RAPGEF4: variants seen among roughly 807,000 people sequenced by gnomAD.
RAPGEF4 encodes Rap guanine nucleotide exchange factor 4, also known as RAP guanine-nucleotide-exchange factor (GEF) 4.
In RAPGEF4, 66 loss-of-function variants were observed where a neutral mutation model predicts 147.9. That is an observed-to-expected ratio of 0.45 (90% CI 0.37 to 0.55). RAPGEF4 has a LOEUF of 0.55. Among genes scored for constraint, RAPGEF4 ranks in the 20% least tolerant of loss-of-function variants. The pLI, the probability that RAPGEF4 is intolerant of heterozygous loss-of-function variation, is 0.00. For synonymous variants in RAPGEF4, 419 were observed against 442.7 expected (o/e 0.95, Z 0.67); for missense variants, 1,071 against 1,257.3 (o/e 0.85, Z 2.24).
intron 1 of RAPGEF4, among the ~76,000 whole-genome samples, chr2:172,743,065 G>A (rs770165470): frequency 2.0e-5 from 3 of 152,060 alleles, no homozygotes; most frequent in Non-Finnish European, 4.4e-5. Flanking sequence ...TTATTGTCCT[G>A]CACCACCTCC....
In RAPGEF4 at chr2:172,926,298, G is replaced by A. The variant is rs1685354130; in HGVS notation, c.537+3998G>A. 2.0e-5 allele frequency among the ~76,000 whole-genome samples: 3 copies of A among 152,188 alleles called. No individual in the cohort carries two copies. The South Asian group carries it at 6.2e-4, about 32-fold the overall frequency. On this transcript the variant is annotated intron_variant, in intron 6 of 30. Transcript: ENST00000397081. ...AAAGCTTGAATGTTGAATGCTGAAT[G>A]TTACAGTTGCCCTTTGGAATAATGA...
chr2:172,873,313 G>A (rs1367609735), intron 4 of RAPGEF4, among the ~76,000 whole-genome samples: 1 of 152,120 alleles, frequency 6.6e-6, no homozygotes, highest in Non-Finnish European at 1.5e-5. Flanking sequence ...GATGCTGCTA[G>A]GTATAGTATC....
chr2:172,998,714 T>C (rs898676176), intron 16 of RAPGEF4, among the ~76,000 whole-genome samples: 1 of 152,190 alleles, frequency 6.6e-6, no homozygotes, highest in Non-Finnish European at 1.5e-5. Flanking sequence ...CCAAGAGCCA[T>C]ATGTAACCTC....
At chr2:172,918,849 CT>C (rs1389171953) in intron 5 of RAPGEF4, among the ~76,000 whole-genome samples, 2 of 152,150 alleles carry the variant, frequency 1.3e-5, no homozygotes, top group Non-Finnish European at 2.9e-5. Flanking sequence ...GCCAGCCACC[CT>C]TCAGATCCTC....
intron 6 of RAPGEF4, among the ~76,000 whole-genome samples, chr2:172,955,674 C>T (rs1028146162): frequency 1.3e-5 from 2 of 152,174 alleles, no homozygotes; most frequent in African/African-American, 4.8e-5. Context: ...TACGTGTTTT[C>T]TGGCTATAGG....
chr2:172,990,961 T>C, intron 15 of RAPGEF4, 36 bp downstream of exon 15: 1 of 1,444,866 alleles, frequency 6.9e-7, no homozygotes, highest in East Asian at 2.3e-5. Context: ...TGCCAGACTA[T>C]GATTAACCTT....
intron 23 of RAPGEF4, among the ~76,000 whole-genome samples, chr2:173,025,829 C>CAT (rs1696610129): frequency 2.0e-5 from 3 of 152,184 alleles, no homozygotes; most frequent in Admixed American, 1.3e-4. Context: ...CCTATATATG[C>CAT]ATATCATTCA....
At chr2:173,009,911 A>G (rs1694846613) in intron 17 of RAPGEF4, among the ~76,000 whole-genome samples, 2 of 152,244 alleles carry the variant, frequency 1.3e-5, no homozygotes, top group South Asian at 4.1e-4. Flanking sequence ...CCTATTTCCC[A>G]ACAAACTTTG....
intron 4 of RAPGEF4, among the ~76,000 whole-genome samples, chr2:172,882,378 A>C (rs1575125215): frequency 6.6e-6 from 1 of 152,122 alleles, no homozygotes; most frequent in Non-Finnish European, 1.5e-5. Flanking sequence ...TCTTCATTAC[A>C]CACTTAATGG....
At chr2:172,795,796 T>C (rs1686304160) in intron 2 of RAPGEF4, among the ~76,000 whole-genome samples, 1 of 152,224 alleles carries the variant, frequency 6.6e-6, no homozygotes, top group Non-Finnish European at 1.5e-5. Flanking sequence ...GGTTGGTTAG[T>C]GAAGTGACTC....
chr2:172,856,213 T>A (rs1019912581), intron 4 of RAPGEF4, among the ~76,000 whole-genome samples: 1 of 152,142 alleles, frequency 6.6e-6, no homozygotes, highest in African/African-American at 2.4e-5. Flanking sequence ...CACTGACACA[T>A]TTTATTATTA....
At chr2:172,925,400 A>G (rs544813630) in intron 6 of RAPGEF4, among the ~76,000 whole-genome samples, 1 of 152,154 alleles carries the variant, frequency 6.6e-6, no homozygotes, top group Non-Finnish European at 1.5e-5. Context: ...TCCTTTTCAT[A>G]TATTGCACCT....
chr2:172,748,378 G>A (rs1034542952), intron 1 of RAPGEF4, among the ~76,000 whole-genome samples: 10 of 152,146 alleles, frequency 6.6e-5, no homozygotes, highest in Admixed American at 2.0e-4. Flanking sequence ...CATGTGTCTG[G>A]GGAGGCCTTA....
intron 6 of RAPGEF4, among the ~76,000 whole-genome samples, chr2:172,933,873 T>C (rs1339937620): frequency 2.6e-5 from 4 of 152,188 alleles, no homozygotes; most frequent in Admixed American, 1.3e-4. Flanking sequence ...ATTTAATGAA[T>C]AGGTAGAGGG....
intron 25 of RAPGEF4, among the ~76,000 whole-genome samples, chr2:173,029,237 G>A (rs545922057): frequency 2.6e-5 from 4 of 152,278 alleles, no homozygotes; most frequent in African/African-American, 9.6e-5. Flanking sequence ...CCTTTGCAAT[G>A]GGTAGCAAAT....
chr2:173,014,537 A>G lies in RAPGEF4; in HGVS notation c.1732A>G (p.Ile578Val). 6.2e-7 allele frequency: 1 copy of G among 1,614,190 alleles called. No homozygotes were observed. The highest frequency in any genetic ancestry group is 8.5e-7 in the Non-Finnish European group (1 of 1,180,014). The change falls in exon 18 of 31, where the codon ATC becomes GTC. Residue 578 changes from isoleucine to valine, a missense_variant. Physicochemically the swap from Ile to Val is conservative, Grantham distance 29. Coordinates refer to ENST00000397081, the MANE Select transcript of RAPGEF4 (RefSeq NM_007023.4). ...TGCCCTCAACAATAAGAGGCGAGTCATCCGCCTGGTTCTACAGTGGGCTGC... is the reference window on the plus strand; with the variant it reads ...TGCCCTCAACAATAAGAGGCGAGTCGTCCGCCTGGTTCTACAGTGGGCTGC... ...DYALNNKRRV[I>V]RLVLQWAAMY...
At chr2:172,918,439 T>C (rs995215627) in intron 5 of RAPGEF4, among the ~76,000 whole-genome samples, 1 of 148,488 alleles carries the variant, frequency 6.7e-6, no homozygotes, top group Non-Finnish European at 1.5e-5. Flanking sequence ...GACAGATAGG[T>C]TAATTTGCTT....
At chr2:172,869,931 A>G (rs1695038031) in intron 4 of RAPGEF4, among the ~76,000 whole-genome samples, 1 of 152,156 alleles carries the variant, frequency 6.6e-6, no homozygotes, top group African/African-American at 2.4e-5. Flanking sequence ...TGCACTGGAA[A>G]TCATAGGTGC....
At chr2:172,969,732 TGCTAGGAACA>T (rs1326757178) in intron 10 of RAPGEF4, among the ~76,000 whole-genome samples, 1 of 152,250 alleles carries the variant, frequency 6.6e-6, no homozygotes, top group East Asian at 1.9e-4. Flanking sequence ...GCCTGCTGTA[TGCTAGGAACA>T]TTCATGCTAA....
Sources: gnomAD v4.1 joint callset for allele counts (sites outside exome capture counted in the v4.1 genomes callset) on GRCh38, gnomAD v4.1.1 for gene constraint, MANE v1.5 for transcripts, NCBI Gene and HGNC (gene_info 2026-07-23, HGNC 2026-07-21) for gene names.